Variants in CRIM1 observed in about 807,000 individuals in gnomAD.
CRIM1 encodes the protein cysteine rich transmembrane BMP regulator 1.
CRIM1 carries 32 observed loss-of-function variants against 116.4 expected under a neutral mutation model. The ratio of observed to expected loss-of-function variants is 0.27; its 90% CI spans 0.21 to 0.37. The LOEUF is 0.37. Among genes scored for constraint, CRIM1 ranks in the 10% least tolerant of loss-of-function variants. CRIM1 has a pLI of 1.00. For synonymous variants in CRIM1, 590 were observed against 509.2 expected (o/e 1.16, Z -2.13); for missense variants, 1,331 against 1,354.8 (o/e 0.98, Z 0.28).
At chr2:36,381,397 C>T (rs2148336008) in intron 1 of CRIM1, among the ~76,000 whole-genome samples, 1 of 152,288 alleles carries the variant, frequency 6.6e-6, no homozygotes, top group East Asian at 1.9e-4. Flanking sequence ...AGGCCTGTGG[C>T]CCCGGGGCCT....
intron 8 of CRIM1, among the ~76,000 whole-genome samples, chr2:36,502,141 C>T (rs1681045997): frequency 6.6e-6 from 1 of 152,148 alleles, no homozygotes; most frequent in East Asian, 1.9e-4. Context: ...CTGGGTTTTG[C>T]TATTGTGAAA....
intron 2 of CRIM1, among the ~76,000 whole-genome samples, chr2:36,418,132 G>T (rs1014004200): frequency 6.6e-6 from 1 of 152,160 alleles, no homozygotes; most frequent in African/African-American, 2.4e-5. Context: ...TGAAGGTAAA[G>T]TAAGAGCTCA....
At chr2:36,424,236 A>C (rs1045809575) in intron 2 of CRIM1, among the ~76,000 whole-genome samples, 1 of 152,202 alleles carries the variant, frequency 6.6e-6, no homozygotes, top group Non-Finnish European at 1.5e-5. Flanking sequence ...ACGAAAATAG[A>C]CTGAGAGAAG....
intron 2 of CRIM1, among the ~76,000 whole-genome samples, chr2:36,430,944 A>G (rs1674839920): frequency 1.3e-5 from 2 of 152,206 alleles, no homozygotes; most frequent in Admixed American, 6.5e-5. Context: ...AGGAGAAATT[A>G]CCTATATAAG....
intron 7 of CRIM1, among the ~76,000 whole-genome samples, chr2:36,481,038 C>T (rs1277409339): frequency 5.3e-5 from 8 of 152,082 alleles, no homozygotes; most frequent in African/African-American, 1.7e-4. Context: ...TATTTAATTA[C>T]GAATATTTGG....
intron 1 of CRIM1, among the ~76,000 whole-genome samples, chr2:36,368,005 C>T (rs1036752132): frequency 2.6e-5 from 4 of 152,222 alleles, no homozygotes; most frequent in African/African-American, 9.6e-5. Flanking sequence ...CCCAAATTCA[C>T]ATGCTCATTT....
Position 36,525,955 on chromosome 2 carries a change from A to G in CRIM1, c.2428+3642A>G, listed in dbSNP as rs550188920. The stretch of plus-strand genomic sequence containing the variant: ...CAAATTGTCAAGTCACTAATGAGCA[A>G]TGATAATGCTTCTCTTTTGATGTTC... On this transcript the variant is annotated intron_variant, in intron 13 of 16. Transcript: ENST00000280527. 2.0e-5 allele frequency among the ~76,000 whole-genome samples: 3 copies of G among 152,340 alleles called. No individual in the cohort carries two copies. The South Asian group carries it at 6.2e-4, about 32-fold the overall frequency.
In CRIM1 at chr2:36,544,483, G is replaced by T. The variant is rs745498198; in HGVS notation, c.2731G>T (p.Val911Phe). The change falls in exon 15 of 17, where the codon GTC (valine) becomes TTC (phenylalanine). Residue 911 changes from valine to phenylalanine, a missense_variant. Val to Phe is a conservative substitution (Grantham distance 50). This residue lies in a region of CRIM1 where 283 missense variants were observed against 242.8 expected (regional missense o/e 1.17). Coordinates refer to ENST00000280527, the MANE Select transcript of CRIM1 (RefSeq NM_016441.3). Reference sequence around the variant, plus strand: ...GCCCACGCCTAGTGAAAATGATATCGTCCATCTCCCTAGAGGTAAGCATTG... The same window carrying T: ...GCCCACGCCTAGTGAAAATGATATCTTCCATCTCCCTAGAGGTAAGCATTG... ...LWPTPSENDI[V>F]HLPRDMGHLQ... is the part of the protein sequence containing the mutation. 1 of 1,375,682 alleles carries T rather than the reference G, an allele frequency of 7.3e-7. No homozygotes were observed. Among genetic ancestry groups the T allele is most frequent in the Non-Finnish European group, 9.5e-7 (1 of 1,057,540 alleles). 85.2% of individuals were successfully genotyped at this position (1,375,682 alleles called of 1,614,324 possible). A position where few individuals can be genotyped will look rare whatever the true frequency, so the allele number is the denominator to read the frequency against.
At chr2:36,467,458 G>T (rs1292072409) in intron 5 of CRIM1, among the ~76,000 whole-genome samples, 8 of 152,116 alleles carry the variant, frequency 5.3e-5, no homozygotes, top group Admixed American at 5.2e-4. Context: ...TAGTGTCCTG[G>T]AAAAATCTGT....
intron 1 of CRIM1, among the ~76,000 whole-genome samples, chr2:36,384,788 C>T (rs1461353043): frequency 1.3e-5 from 2 of 152,070 alleles, no homozygotes; most frequent in African/African-American, 4.8e-5. Flanking sequence ...CCCTGTGTTG[C>T]GAGATTTCTT....
At chr2:36,467,865 CTAATAGAGATTTTTCA>C in intron 5 of CRIM1, among the ~76,000 whole-genome samples, 1 of 152,252 alleles carries the variant, frequency 6.6e-6, no homozygotes, top group South Asian at 2.1e-4. Context: ...AACTGTCTCT[CTAATAGAGATTTTTCA>C]TATGGAAAGG....
intron 14 of CRIM1, among the ~76,000 whole-genome samples, chr2:36,542,166 TG>T (rs954795664): frequency 9.9e-5 from 15 of 152,284 alleles, no homozygotes; most frequent in African/African-American, 3.6e-4. Context: ...TATGAGCTGC[TG>T]GAAGTAAGAA....
In CRIM1 at chr2:36,479,663, A is replaced by G. The variant is rs576125560; in HGVS notation, c.1341A>G (p.Lys447=). Residue 447 remains lysine, a synonymous_variant, in exon 7 of 17, where the codon AAA becomes AAG. Coordinates refer to ENST00000280527, the MANE Select transcript of CRIM1 (RefSeq NM_016441.3). ...GACAGACCTGCACAAACCCTGTGAAAGTGCCTGGGGAGTGTTGCCCTGTGT... is the reference window on the plus strand; with the variant it reads ...GACAGACCTGCACAAACCCTGTGAAGGTGCCTGGGGAGTGTTGCCCTGTGT... ...VCGQTCTNPV[K]VPGECCPVCE... 1 of 1,614,216 alleles carries G rather than the reference A, an allele frequency of 6.2e-7. No individual in the cohort carries two copies. Among genetic ancestry groups the G allele is most frequent in the Non-Finnish European group, 8.5e-7 (1 of 1,180,018 alleles).
At chr2:36,421,864 T>C (rs140640003) in intron 2 of CRIM1, among the ~76,000 whole-genome samples, 107 of 152,298 alleles carry the variant, frequency 7.0e-4, no homozygotes, top group African/African-American at 2.5e-3. Flanking sequence ...CAGCAGTTTT[T>C]TCAATGCCTT....
intron 1 of CRIM1, among the ~76,000 whole-genome samples, chr2:36,365,302 T>C (rs1223897410): frequency 6.6e-6 from 1 of 152,252 alleles, no homozygotes; most frequent in East Asian, 1.9e-4. Flanking sequence ...TAATGGCATA[T>C]GGTTTTATGA....
At position 36,550,830 on chromosome 2, in the gene CRIM1, TTTTTG is replaced by T. The variant is rs1667722357; in HGVS notation, c.*2134_*2138del. The T allele has an allele frequency of 6.6e-6, 1 of 152,530 alleles. No homozygotes were observed. Among genetic ancestry groups the T allele is most frequent in the African/African-American group, 2.4e-5 (1 of 41,418 alleles). 9.4% of individuals were successfully genotyped at this position (152,530 alleles called of 1,614,324 possible). ...ATCAAAAAAAATTGTAGATGCTTGC[TTTTTG>T]TTTTTTCAATCATGGCCATATTATG... On this transcript the variant is annotated 3_prime_UTR_variant, in exon 17 of 17. Transcript: ENST00000280527.
chr2:36,491,330 G>A (rs891738109), intron 7 of CRIM1, among the ~76,000 whole-genome samples: 2 of 152,040 alleles, frequency 1.3e-5, no homozygotes, highest in Admixed American at 1.3e-4. Flanking sequence ...CTTGGATTTG[G>A]GGATTTGCAC....
intron 2 of CRIM1, among the ~76,000 whole-genome samples, chr2:36,440,332 G>C (rs902968109): frequency 2.6e-5 from 4 of 152,132 alleles, no homozygotes; most frequent in African/African-American, 4.8e-5. Context: ...ACATTGCCTG[G>C]TACTAACTGG....
chr2:36,489,456 A>C (rs1680068734), intron 7 of CRIM1, among the ~76,000 whole-genome samples: 1 of 152,200 alleles, frequency 6.6e-6, no homozygotes, highest in South Asian at 2.1e-4. Context: ...CTGGGAATCA[A>C]GTTTTTAAAA....
Sources: gnomAD v4.1 joint callset for allele counts (sites outside exome capture counted in the v4.1 genomes callset) on GRCh38, gnomAD v4.1.1 for gene constraint, gnomAD v4.1.1 regional missense constraint, MANE v1.5 for transcripts, NCBI Gene and HGNC (gene_info 2026-07-23, HGNC 2026-07-21) for gene names.